KIF21A: variants seen among roughly 807,000 people sequenced by gnomAD.
KIF21A encodes the protein kinesin family member 21A, also known as kinesin-like protein KIF21A.
A neutral mutation model predicts 202.9 loss-of-function variants in KIF21A; 114 were observed. The ratio of observed to expected loss-of-function variants is 0.56; its 90% confidence interval spans 0.48 to 0.66. The LOEUF (loss-of-function observed/expected upper bound fraction) is 0.66. Among genes scored for constraint, KIF21A ranks in the 30% least tolerant of loss-of-function variants. The pLI, the probability that KIF21A is intolerant of heterozygous loss-of-function variation, is 0.00. For synonymous variants in KIF21A, 667 were observed against 670.8 expected (o/e 0.99, Z 0.09); for missense variants, 1,677 against 1,994.9 (o/e 0.84, Z 3.04).
chr12:39,439,073 T>C (rs996366063), intron 1 of KIF21A, among the ~76,000 whole-genome samples: 1 of 152,126 alleles, frequency 6.6e-6, no homozygotes, highest in Admixed American at 6.5e-5. Flanking sequence ...CCTACACCCA[T>C]GCACTCAGAG....
At chr12:39,402,078 A>G (rs17127112) in intron 1 of KIF21A, among the ~76,000 whole-genome samples, 15,662 of 152,198 alleles carry the variant, frequency 0.1, 1,858 homozygotes, top group African/African-American at 0.29. Flanking sequence ...TCAAAACTGT[A>G]TATTTGGACA....
At chr12:39,335,410 CAAAAAAA>C (rs1033088626) in intron 17 of KIF21A, among the ~76,000 whole-genome samples, 1 of 61,964 alleles carries the variant, frequency 1.6e-5, no homozygotes, top group Non-Finnish European at 3.5e-5. Flanking sequence ...GACTCTGTCT[CAAAAAAA>C]AAAAAAAAAA....
In KIF21A at chr12:39,416,988, T is replaced by C. The variant is rs1953811858; in HGVS notation, c.44+25939A>G. Among the ~76,000 whole-genome samples, 4 of 151,838 alleles carry C rather than the reference T, an allele frequency of 2.6e-5. No individual in the cohort carries two copies. In the South Asian group the frequency reaches 8.3e-4, roughly 32 times the overall value. On this transcript the variant is annotated intron_variant, in intron 1 of 37. Coordinates refer to ENST00000361418, the MANE Select transcript of KIF21A (RefSeq NM_001173464.2). ...AATCTGCAAGGAGCCATACAAATGTTAGCTATTAGTATCATTCATTAACAG... is the reference window on the plus strand; with the variant it reads ...AATCTGCAAGGAGCCATACAAATGTCAGCTATTAGTATCATTCATTAACAG...
chr12:39,335,338 G>A (rs1946867868), intron 17 of KIF21A, among the ~76,000 whole-genome samples: 1 of 151,324 alleles, frequency 6.6e-6, no homozygotes, highest in Admixed American at 6.6e-5. Context: ...CTTGGACCTG[G>A]GAGGCGGAGG....
intron 1 of KIF21A, among the ~76,000 whole-genome samples, chr12:39,438,527 T>C (rs772499715): frequency 1.3e-5 from 2 of 152,170 alleles, no homozygotes; most frequent in Non-Finnish European, 2.9e-5. Context: ...AATGTCCAAA[T>C]AGCCCCTAAG....
At chr12:39,421,468 G>A (rs1250155715) in intron 1 of KIF21A, among the ~76,000 whole-genome samples, 1 of 152,074 alleles carries the variant, frequency 6.6e-6, no homozygotes, top group Non-Finnish European at 1.5e-5. Flanking sequence ...CAAGGCAGGT[G>A]AATAACCTGA....
At chr12:39,371,321 TTA>T (rs1426934807) in intron 1 of KIF21A, among the ~76,000 whole-genome samples, 6 of 152,280 alleles carry the variant, frequency 3.9e-5, no homozygotes, top group African/African-American at 1.2e-4. Flanking sequence ...TAGTGAATTA[TTA>T]TGAGTTGCCT....
At chr12:39,314,413 T>C (rs548445809) in intron 31 of KIF21A, among the ~76,000 whole-genome samples, 4 of 151,966 alleles carry the variant, frequency 2.6e-5, no homozygotes, top group East Asian at 1.9e-4. Flanking sequence ...TTCATAGATA[T>C]GAACTGAAGC....
intron 1 of KIF21A, among the ~76,000 whole-genome samples, chr12:39,375,682 A>C (rs1472994042): frequency 6.6e-6 from 1 of 152,020 alleles, no homozygotes; most frequent in Non-Finnish European, 1.5e-5. Context: ...CAAGTAATAA[A>C]AGTCCTTAGT....
chr12:39,438,880 T>C (rs1939181457), intron 1 of KIF21A, among the ~76,000 whole-genome samples: 1 of 152,166 alleles, frequency 6.6e-6, no homozygotes, highest in Admixed American at 6.5e-5. Flanking sequence ...ATGTGAAATG[T>C]TTGACTTTAT....
intron 10 of KIF21A, among the ~76,000 whole-genome samples, chr12:39,353,470 A>T (rs1238510654): frequency 6.6e-6 from 1 of 152,216 alleles, no homozygotes; most frequent in African/African-American, 2.4e-5. Context: ...GAGAAAATTC[A>T]TATAAAAACT....
intron 37 of KIF21A, among the ~76,000 whole-genome samples, chr12:39,298,937 A>G (rs1942683154): frequency 6.6e-6 from 1 of 152,208 alleles, no homozygotes; most frequent in African/African-American, 2.4e-5. Context: ...TAAATGAGTT[A>G]ATGTCTGCAA....
At chr12:39,402,522 C>A (rs1952242761) in intron 1 of KIF21A, among the ~76,000 whole-genome samples, 1 of 151,886 alleles carries the variant, frequency 6.6e-6, no homozygotes, top group Non-Finnish European at 1.5e-5. Context: ...GGTAACATAG[C>A]AAGACACCTG....
chr12:39,409,072 GCAAT>G (rs948025679), intron 1 of KIF21A, among the ~76,000 whole-genome samples: 1 of 151,800 alleles, frequency 6.6e-6, no homozygotes, highest in African/African-American at 2.4e-5. Context: ...CTGGTCTCAA[GCAAT>G]CCTCCTGCCT....
At chr12:39,332,498 T>G in intron 20 of KIF21A, 90 bp from the exon 21 acceptor site, 1 of 724,952 alleles carries the variant, frequency 1.4e-6, no homozygotes, top group Non-Finnish European at 2.1e-6. Flanking sequence ...AAAAAAAACT[T>G]GGTAAGTGTT....
chr12:39,326,488 A>G (rs1242988639), intron 24 of KIF21A, 164 bp from the exon 25 acceptor site: 8 of 666,732 alleles, frequency 1.2e-5, no homozygotes, highest in South Asian at 8.2e-5. Flanking sequence ...GTATTTCTAA[A>G]AACTCTCCTT....
At chr12:39,303,236 A>G in intron 35 of KIF21A, 101 bp from the exon 36 acceptor site, 1 of 962,380 alleles carries the variant, frequency 1.0e-6, no homozygotes, top group East Asian at 2.5e-5. Flanking sequence ...TTAATCAGAC[A>G]TGACTTGTTT....
intron 1 of KIF21A, among the ~76,000 whole-genome samples, chr12:39,389,027 A>T (rs994332087): frequency 3.3e-5 from 5 of 152,164 alleles, no homozygotes; most frequent in Non-Finnish European, 7.4e-5. Context: ...GTATTAGTAC[A>T]TATATGTTTT....
intron 7 of KIF21A, among the ~76,000 whole-genome samples, chr12:39,361,910 C>T (rs780698140): frequency 1.5e-4 from 23 of 152,104 alleles, no homozygotes; most frequent in Non-Finnish European, 2.5e-4. Flanking sequence ...TGGATCTGTG[C>T]CCTCACACAA....
Sources: allele counts gnomAD v4.1 joint callset (sites outside exome capture counted in the v4.1 genomes callset), GRCh38; gene constraint gnomAD v4.1.1; transcripts MANE v1.5; gene names NCBI Gene and HGNC (gene_info 2026-07-23, HGNC 2026-07-21).